SEC14L3: variants seen among roughly 807,000 people sequenced by gnomAD.
The protein encoded by SEC14L3 is SEC14-like protein 3.
SEC14L3 carries 56 observed loss-of-function variants against 57.4 expected under a neutral mutation model. The observed-to-expected ratio is 0.97, with a 90% confidence interval of 0.79 to 1.22. SEC14L3 has a LOEUF of 1.22. SEC14L3 is among the 50% of genes most tolerant of loss of function. The pLI, the probability that SEC14L3 is intolerant of heterozygous loss-of-function variation, is 0.00. For missense variants in SEC14L3, 485 were observed against 511.7 expected (o/e 0.95, Z 0.50); for synonymous variants, 173 against 194.4 (o/e 0.89, Z 0.92).
intron 2 of SEC14L3, 59 bp downstream of exon 2, chr22:30,470,448 T>C: frequency 1.2e-6 from 2 of 1,611,840 alleles, no homozygotes; most frequent in Non-Finnish European, 1.7e-6. Flanking sequence ...TCTGGAGCAG[T>C]TGAGACCAGG....
At chr22:30,449,545 TTTC>T (rs1483131475) in intron 12 of SEC14L3, among the ~76,000 whole-genome samples, 2 of 21,004 alleles carry the variant, frequency 9.5e-5, no homozygotes, top group East Asian at 9.3e-3. Flanking sequence ...TCCGTTCTTT[TTTC>T]TTTTCTTTTC....
chr22:30,467,129 GAGATGGTAATCCA>G, intron 5 of SEC14L3, 52 bp from the exon 6 acceptor site: 1 of 1,610,412 alleles, frequency 6.2e-7, no homozygotes, highest in East Asian at 2.2e-5. Context: ...GTAGGCTTGG[GAGATGGTAATCCA>G]AGTACATGAC....
intron 8 of SEC14L3, among the ~76,000 whole-genome samples, chr22:30,464,593 G>T (rs373281772): frequency 3.9e-5 from 6 of 152,226 alleles, no homozygotes; most frequent in African/African-American, 1.4e-4. Flanking sequence ...ACCACAACCA[G>T]CTAATTTTTA....
At chr22:30,451,811 A>T (rs574347747) in intron 12 of SEC14L3, among the ~76,000 whole-genome samples, 3 of 151,836 alleles carry the variant, frequency 2.0e-5, no homozygotes, top group Admixed American at 2.0e-4. Flanking sequence ...CCAACATGGC[A>T]AAACTCTGTC....
At chr22:30,470,119 G>C in intron 3 of SEC14L3, 41 bp from the exon 4 acceptor site, 1 of 1,610,070 alleles carries the variant, frequency 6.2e-7, no homozygotes, top group Non-Finnish European at 8.5e-7. Context: ...TGGGCTCCCA[G>C]TGCCCTGAGA....
chr22:30,470,568 G>T lies in SEC14L3; in HGVS notation c.69C>A (p.Val23=). 6.2e-7 allele frequency: 1 copy of T among 1,614,224 alleles called. No homozygotes were observed. Among genetic ancestry groups the T allele is most frequent in the East Asian group, 2.2e-5 (1 of 44,886 alleles). ...TGGGCAGGGCAGGAAGCACATCCTGGACGTTTTCTCGGAACTGGCAAGAGA... is the reference window on the plus strand; with the variant it reads ...TGGGCAGGGCAGGAAGCACATCCTGTACGTTTTCTCGGAACTGGCAAGAGA... The part of the protein sequence containing the change: ...AETLAKFREN[V]QDVLPALPNP... The change falls in exon 2 of 12, where the codon GTC becomes GTA. Residue 23 remains valine, a synonymous_variant. Transcript: ENST00000215812.
At position 30,461,350 on chromosome 22, in the gene SEC14L3, C is replaced by G; in HGVS notation, c.1041G>C (p.Val347=). The change falls in exon 11 of 12, where the codon GTG becomes GTC. Residue 347 remains valine, a synonymous_variant. Coordinates refer to ENST00000215812, the MANE Select transcript of SEC14L3 (RefSeq NM_174975.5). The part of the protein sequence containing the change: ...LPSQRYNAHM[V]PEDGNLTCSE... ...AGCAGGTGAGGTTCCCATCCTCGGG[C>G]ACCATGTGGGCGTTATAGCGCTGGC... 1 of 1,611,626 alleles carries G rather than the reference C, an allele frequency of 6.2e-7. No individual in the cohort carries two copies. Among genetic ancestry groups the G allele is most frequent in the South Asian group, 1.1e-5 (1 of 90,630 alleles).
intron 5 of SEC14L3, among the ~76,000 whole-genome samples, chr22:30,467,723 T>C (rs948359407): frequency 6.6e-6 from 1 of 152,092 alleles, no homozygotes; most frequent in Non-Finnish European, 1.5e-5. Flanking sequence ...GTGTGTGTGG[T>C]GGGAACTAGG....
At chr22:30,448,946 A>G in exon 13 of SEC14L3, 1 of 730,952 alleles carries the variant, frequency 1.4e-6, no homozygotes, top group Non-Finnish European at 2.2e-6. Flanking sequence ...GGTCTGCCCT[A>G]GGCCCTCTGA....
Position 30,459,566 on chromosome 22 carries a change from G to A in SEC14L3, c.*455C>T. On this transcript the variant is annotated 3_prime_UTR_variant, in exon 12 of 12. Transcript: ENST00000215812. ...ATCATGTACAGCTGTTGAGTCACCT[G>A]CACCCTACCTTCTGGTCCTCCATTC... 1.0e-6 allele frequency: 1 copy of A among 988,432 alleles called. No homozygotes were observed. Among genetic ancestry groups the A allele is most frequent in the Non-Finnish European group, 1.2e-6 (1 of 831,508 alleles). The allele number at this position is 988,432 out of a possible 1,614,324, so 61.2% of individuals were successfully genotyped here.
intron 1 of SEC14L3, 92 bp downstream of exon 1, chr22:30,471,813 T>C: frequency 6.4e-7 from 1 of 1,553,238 alleles, no homozygotes; most frequent in Non-Finnish European, 8.9e-7. Flanking sequence ...ACATGCTGAA[T>C]CAACTGAGTG....
chr22:30,469,547 G>A (rs1193098120), intron 4 of SEC14L3, among the ~76,000 whole-genome samples: 1 of 152,216 alleles, frequency 6.6e-6, no homozygotes, highest in Non-Finnish European at 1.5e-5. Flanking sequence ...GATGCCAGTG[G>A]TGGCACTGTC....
At chr22:30,449,302 G>T in intron 12 of SEC14L3, 2 of 1,544,718 alleles carry the variant, frequency 1.3e-6, no homozygotes, top group South Asian at 2.4e-5. Context: ...TGAAAATCCT[G>T]AACTCCAGAG....
At chr22:30,449,390 C>A in intron 12 of SEC14L3, 1 of 1,217,358 alleles carries the variant, frequency 8.2e-7, no homozygotes, top group Non-Finnish European at 1.1e-6. Context: ...AATAGAATGA[C>A]ATTATACAAT....
chr22:30,457,377 C>A (rs1935136814), downstream of SEC14L3, among the ~76,000 whole-genome samples: 1 of 136,658 alleles, frequency 7.3e-6, no homozygotes. Flanking sequence ...TTAAGTATGT[C>A]TTTTTTTTTT....
chr22:30,452,011 A>AG (rs1491427295), intron 12 of SEC14L3, among the ~76,000 whole-genome samples: 2 of 121,032 alleles, frequency 1.7e-5, no homozygotes, highest in East Asian at 2.2e-4. Context: ...AAAAAAAAAG[A>AG]AAAAAGAAAA....
At chr22:30,471,153 C>CG (rs1935597281) in intron 1 of SEC14L3, 3 of 357,922 alleles carry the variant, frequency 8.4e-6, no homozygotes, top group Non-Finnish European at 1.6e-5. Context: ...GGTGTGGTGG[C>CG]ACATGCCTGT....
chr22:30,454,360 G>A (rs1045946097), downstream of SEC14L3, among the ~76,000 whole-genome samples: 1 of 151,746 alleles, frequency 6.6e-6, no homozygotes, highest in African/African-American at 2.4e-5. Context: ...GCGCAACAGA[G>A]AGACTCTCTT....
rs544591201 is a variant in SEC14L3, at chr22:30,470,230, C to T, written c.156G>A (p.Ser52=). The T allele has an allele frequency of 8.7e-6, 14 of 1,613,828 alleles. No individual in the cohort carries two copies. Among genetic ancestry groups the T allele is most frequent in the African/African-American group, 6.7e-5 (5 of 75,036 alleles). Reference sequence around the variant, plus strand: ...GTCTCACCTTGCGGAGCAAAGCCTCCGACTTCTGCAAGTCAAAATTCCGAG... The same window carrying T: ...GTCTCACCTTGCGGAGCAAAGCCTCTGACTTCTGCAAGTCAAAATTCCGAG... ...LRARNFDLQK[S]EALLRKYMEF... is the part of the protein sequence containing the mutation. The change falls in exon 3 of 12, where the codon TCG becomes TCA. Residue 52 remains serine (S), a synonymous_variant. Transcript: ENST00000215812.
Sources: allele counts gnomAD v4.1 joint callset (sites outside exome capture counted in the v4.1 genomes callset), GRCh38; gene constraint gnomAD v4.1.1; transcripts MANE v1.5; gene names NCBI Gene and HGNC (gene_info 2026-07-23, HGNC 2026-07-21).